Variants in GRM5 observed in about 807,000 individuals in gnomAD.
GRM5 encodes glutamate metabotropic receptor 5.
A neutral mutation model predicts 83.1 loss-of-function variants in GRM5; 19 were observed. The ratio of observed to expected loss-of-function variants is 0.23; its 90% confidence interval spans 0.16 to 0.34. The LOEUF is 0.34. Ranked by LOEUF, GRM5 falls within the 10% of genes least tolerant of loss-of-function variation. The pLI, the probability that GRM5 is intolerant of heterozygous loss-of-function variation, is 1.00. For missense variants in GRM5, 1,160 were observed against 1,588.3 expected (o/e 0.73, Z 4.58); for synonymous variants, 675 against 633.6 (o/e 1.07, Z -0.98).
intron 3 of GRM5, among the ~76,000 whole-genome samples, chr11:88,690,460 T>A (rs1261610367): frequency 6.6e-6 from 1 of 152,174 alleles, no homozygotes; most frequent in Non-Finnish European, 1.5e-5. Flanking sequence ...TCCCCAGTGA[T>A]ATTTTTATTC....
In GRM5 at chr11:88,810,127, C is replaced by T. The variant is rs1183809219; in HGVS notation, c.911+39779G>A. Among the ~76,000 whole-genome samples the T allele has an allele frequency of 5.3e-5, 8 of 151,976 alleles. No individual in the cohort carries two copies. In the South Asian group the frequency reaches 1.5e-3, roughly 28 times the overall value. ...ATGACTTTCATTATTGGAGATTAGGCCCCAAGTATGAGAAAGACTGAAGAG... is the reference window on the plus strand; with the variant it reads ...ATGACTTTCATTATTGGAGATTAGGTCCCAAGTATGAGAAAGACTGAAGAG... On this transcript the variant is annotated intron_variant, in intron 3 of 9. Coordinates refer to ENST00000305447, the MANE Select transcript of GRM5 (RefSeq NM_001143831.3).
intron 3 of GRM5, among the ~76,000 whole-genome samples, chr11:88,836,950 A>G (rs1565254625): frequency 1.3e-5 from 2 of 152,242 alleles, no homozygotes; most frequent in Non-Finnish European, 2.9e-5. Flanking sequence ...ACACACATTT[A>G]TAAAGCAACT....
intron 3 of GRM5, among the ~76,000 whole-genome samples, chr11:88,712,266 G>A (rs1375735605): frequency 6.6e-6 from 1 of 151,862 alleles, no homozygotes; most frequent in East Asian, 1.9e-4. Context: ...TTGAATATTT[G>A]AATCACCATT....
chr11:88,717,081 A>G (rs916360443), intron 3 of GRM5, among the ~76,000 whole-genome samples: 2 of 151,958 alleles, frequency 1.3e-5, no homozygotes, highest in African/African-American at 4.8e-5. Flanking sequence ...CTTATTAGCA[A>G]AGCTAAGGAA....
intron 2 of GRM5, among the ~76,000 whole-genome samples, chr11:88,892,112 T>G (rs1413330131): frequency 6.6e-6 from 1 of 151,774 alleles, no homozygotes; most frequent in East Asian, 1.9e-4. Flanking sequence ...TGAGTAACCT[T>G]AACTTACGGC....
At chr11:88,724,905 C>A (rs182759927) in intron 3 of GRM5, among the ~76,000 whole-genome samples, 1 of 152,274 alleles carries the variant, frequency 6.6e-6, no homozygotes, top group East Asian at 1.9e-4. Context: ...TCTTCACAAC[C>A]CGCAGACCAG....
chr11:88,743,028 T>C (rs919939371), intron 3 of GRM5, among the ~76,000 whole-genome samples: 2 of 152,234 alleles, frequency 1.3e-5, no homozygotes, highest in East Asian at 1.9e-4. Flanking sequence ...AAAAGATGCA[T>C]TTAAAAACAG....
intron 2 of GRM5, among the ~76,000 whole-genome samples, chr11:89,017,850 G>T (rs1369390078): frequency 6.6e-6 from 1 of 152,098 alleles, no homozygotes; most frequent in East Asian, 1.9e-4. Context: ...TACAGAGAAA[G>T]GGTCATAAGT....
chr11:88,788,946 C>A (rs1943122000), intron 3 of GRM5, among the ~76,000 whole-genome samples: 1 of 152,100 alleles, frequency 6.6e-6, no homozygotes, highest in South Asian at 2.1e-4. Context: ...TTACCATGAA[C>A]CATTGTTATT....
At chr11:88,984,419 T>C (rs58443330) in intron 2 of GRM5, among the ~76,000 whole-genome samples, 2,064 of 152,306 alleles carry the variant, frequency 0.014, 62 homozygotes, top group African/African-American at 0.047. Context: ...CCATACCACA[T>C]AGCACAAGTG....
intron 4 of GRM5, among the ~76,000 whole-genome samples, chr11:88,631,325 T>C (rs1938964122): frequency 6.6e-6 from 1 of 152,212 alleles, no homozygotes; most frequent in African/African-American, 2.4e-5. Context: ...TATTAAATGT[T>C]ATATTCTAGT....
chr11:88,881,369 A>G (rs1944951216), intron 2 of GRM5, among the ~76,000 whole-genome samples: 1 of 152,014 alleles, frequency 6.6e-6, no homozygotes, highest in African/African-American at 2.4e-5. Flanking sequence ...TATGATGATC[A>G]ACAAGAGATG....
intron 2 of GRM5, among the ~76,000 whole-genome samples, chr11:88,881,077 C>G (rs1306597544): frequency 2.6e-5 from 4 of 151,736 alleles, no homozygotes; most frequent in Admixed American, 6.6e-5. Flanking sequence ...TCTTTGATCC[C>G]TTAGTAGGAT....
rs1007221113 is a variant in GRM5, at chr11:88,506,369, A to G, written c.*2223T>C. On this transcript the variant is annotated 3_prime_UTR_variant, in exon 10 of 10. Transcript: ENST00000305447. ...TTTTATAAAACAAATTTTAAAATGTAGAGCATATCAAGAAAGGTTTTTAAT... is the reference window on the plus strand; with the variant it reads ...TTTTATAAAACAAATTTTAAAATGTGGAGCATATCAAGAAAGGTTTTTAAT... 3 of 152,250 alleles carry G rather than the reference A, an allele frequency of 2.0e-5. No individual in the cohort carries two copies. Among genetic ancestry groups the G allele is most frequent in the Admixed American group, 6.5e-5 (1 of 15,292 alleles). 9.4% of individuals were successfully genotyped at this position (152,250 alleles called of 1,614,324 possible).
chr11:88,837,367 C>A (rs1381588157), intron 3 of GRM5, among the ~76,000 whole-genome samples: 3 of 152,138 alleles, frequency 2.0e-5, no homozygotes, highest in Non-Finnish European at 4.4e-5. Flanking sequence ...GTCTCAGTTT[C>A]TTCAGCTATA....
At chr11:89,029,430 T>G (rs1591062040) in intron 2 of GRM5, among the ~76,000 whole-genome samples, 1 of 152,186 alleles carries the variant, frequency 6.6e-6, no homozygotes, top group African/African-American at 2.4e-5. Context: ...ATAGAAAACT[T>G]AAGTCTCCTT....
chr11:89,030,996 A>G (rs1941249662), intron 2 of GRM5, among the ~76,000 whole-genome samples: 2 of 152,034 alleles, frequency 1.3e-5, no homozygotes, highest in African/African-American at 2.4e-5. Flanking sequence ...AGTTAAGAGT[A>G]GAACTTATGA....
At chr11:88,733,056 A>AT (rs1343602870) in intron 3 of GRM5, among the ~76,000 whole-genome samples, 14 of 152,042 alleles carry the variant, frequency 9.2e-5, no homozygotes, top group African/African-American at 3.4e-4. Context: ...CAATAAATCT[A>AT]TTTATCAATA....
chr11:88,861,482 T>A (rs372109242), intron 2 of GRM5, among the ~76,000 whole-genome samples: 109 of 152,210 alleles, frequency 7.2e-4, no homozygotes, highest in Middle Eastern at 3.4e-3. Context: ...TTGCTTTTTC[T>A]GAGACAAGGT....
Sources: allele counts gnomAD v4.1 joint callset (sites outside exome capture counted in the v4.1 genomes callset), GRCh38; gene constraint gnomAD v4.1.1; transcripts MANE v1.5; gene names NCBI Gene and HGNC (gene_info 2026-07-23, HGNC 2026-07-21).